The following L3MBTL4 variants were observed in gnomAD, a reference collection of about 807,000 sequenced individuals.
L3MBTL4 encodes the protein lethal(3)malignant brain tumor-like protein 4.
Under a neutral mutation model 84.5 loss-of-function variants are expected in L3MBTL4, and 70 were observed. The ratio of observed to expected loss-of-function variants is 0.83; its 90% CI spans 0.68 to 1.01. L3MBTL4 has a LOEUF of 1.01. L3MBTL4 is among the 50% of genes least tolerant of loss of function. The pLI is 0.00. For missense variants in L3MBTL4, 715 were observed against 754.8 expected, an observed-to-expected ratio of 0.95 and a Z score of 0.62; for synonymous variants, 274 against 259.8, an observed-to-expected ratio of 1.05 and a Z score of -0.52.
intron 4 of L3MBTL4, among the ~76,000 whole-genome samples, chr18:6,300,002 T>TAA (rs559658418): frequency 1.5e-3 from 221 of 152,298 alleles, no homozygotes; most frequent in Non-Finnish European, 2.4e-3. Flanking sequence ...TGTTCACATA[T>TAA]AAATATACTA....
At chr18:6,265,701 G>A (rs907688896) in intron 4 of L3MBTL4, among the ~76,000 whole-genome samples, 1 of 149,968 alleles carries the variant, frequency 6.7e-6, no homozygotes, top group African/African-American at 2.5e-5. Flanking sequence ...TAGGCACAGT[G>A]AAATAAGTTA....
chr18:6,132,126 C>T (rs560375956), intron 14 of L3MBTL4, among the ~76,000 whole-genome samples: 2 of 152,140 alleles, frequency 1.3e-5, no homozygotes, highest in African/African-American at 4.8e-5. Flanking sequence ...TCCTTGAATA[C>T]AAGGAATTTT....
At chr18:6,101,658 T>G (rs1431396677) in intron 14 of L3MBTL4, among the ~76,000 whole-genome samples, 1 of 152,218 alleles carries the variant, frequency 6.6e-6, no homozygotes, top group Non-Finnish European at 1.5e-5. Context: ...CAGACTCGAA[T>G]CCACTCATGT....
intron 16 of L3MBTL4, among the ~76,000 whole-genome samples, chr18:6,015,017 A>G (rs1439907047): frequency 2.0e-5 from 3 of 151,992 alleles, no homozygotes; most frequent in African/African-American, 7.2e-5. Context: ...CCCAGAGATC[A>G]GGGAGGAAGG....
chr18:6,274,161 T>A (rs1474026378), intron 4 of L3MBTL4, among the ~76,000 whole-genome samples: 1 of 152,214 alleles, frequency 6.6e-6, no homozygotes, highest in Non-Finnish European at 1.5e-5. Context: ...AGATTAAGGT[T>A]CTCAAAGTGT....
At chr18:6,029,691 G>T in intron 16 of L3MBTL4, 2 of 985,220 alleles carry the variant, frequency 2.0e-6, no homozygotes, top group Non-Finnish European at 2.4e-6. Context: ...CTATGGTCAA[G>T]TTCACAAAGG....
intron 1 of L3MBTL4, among the ~76,000 whole-genome samples, chr18:6,362,491 G>C (rs2144039322): frequency 6.6e-6 from 1 of 152,260 alleles, no homozygotes; most frequent in South Asian, 2.1e-4. Flanking sequence ...CCAGCCACCT[G>C]GGTCTAGTGG....
chr18:6,090,383 A>G (rs1291908149), intron 15 of L3MBTL4, among the ~76,000 whole-genome samples: 1 of 152,126 alleles, frequency 6.6e-6, no homozygotes, highest in Non-Finnish European at 1.5e-5. Context: ...ACTAATTATA[A>G]CCCTGATACA....
At chr18:6,300,512 T>C (rs1445961051) in intron 4 of L3MBTL4, among the ~76,000 whole-genome samples, 1 of 152,214 alleles carries the variant, frequency 6.6e-6, no homozygotes, top group African/African-American at 2.4e-5. Flanking sequence ...CTCCCAGACT[T>C]GTTAAAAACA....
intron 1 of L3MBTL4, chr18:6,395,568 T>TA (rs1189670429): frequency 2.6e-5 from 4 of 152,166 alleles, no homozygotes; most frequent in Non-Finnish European, 5.9e-5. Flanking sequence ...TTCTCGGTCC[T>TA]AAAAAATAGG....
chr18:6,081,742 AC>A (rs753851534), intron 15 of L3MBTL4, among the ~76,000 whole-genome samples: 9 of 152,334 alleles, frequency 5.9e-5, no homozygotes, highest in East Asian at 3.9e-4. Flanking sequence ...AGATGAGGAA[AC>A]CGATTCAGTT....
chr18:6,067,706 A>T (rs928119821), intron 16 of L3MBTL4, among the ~76,000 whole-genome samples: 2 of 152,090 alleles, frequency 1.3e-5, no homozygotes, highest in East Asian at 3.8e-4. Flanking sequence ...TAAAAAAAAA[A>T]TTTCTTTATG....
intron 14 of L3MBTL4, among the ~76,000 whole-genome samples, chr18:6,117,017 TG>T (rs1200641162): frequency 6.6e-6 from 1 of 152,230 alleles, no homozygotes; most frequent in East Asian, 1.9e-4. Context: ...TGCATTGCTT[TG>T]GTGTTGCAGT....
chr18:5,966,767 C>T (rs2052372602), intron 17 of L3MBTL4, among the ~76,000 whole-genome samples: 1 of 152,182 alleles, frequency 6.6e-6, no homozygotes, highest in Admixed American at 6.5e-5. Flanking sequence ...CCACTCTTTC[C>T]CCATTCCTTC....
At chr18:6,105,778 C>T (rs1598762757) in intron 14 of L3MBTL4, among the ~76,000 whole-genome samples, 1 of 121,644 alleles carries the variant, frequency 8.2e-6, no homozygotes, top group African/African-American at 3.1e-5. Flanking sequence ...CCAGCATGGG[C>T]AACAAGAGTG....
rs564257049 is a variant in L3MBTL4 at position 6,371,512 on chromosome 18, C to T, written c.-91+43289G>A. The stretch of plus-strand genomic sequence containing the variant: ...GGAAATTCAAGCATAAAGCACTGCA[C>T]GATCCTGAGGAAAGCCAACTCTGCC... On this transcript the variant is annotated intron_variant, in intron 1 of 18. Coordinates refer to ENST00000317931, the MANE Select transcript of L3MBTL4 (RefSeq NM_001330559.2). Among the ~76,000 whole-genome samples the T allele has an allele frequency of 6.6e-5, 10 of 152,212 alleles. No homozygotes were observed. The East Asian group carries it at 1.5e-3, about 24-fold the overall frequency.
intron 1 of L3MBTL4, among the ~76,000 whole-genome samples, chr18:6,373,561 T>G (rs2054246920): frequency 6.6e-6 from 1 of 152,080 alleles, no homozygotes; most frequent in Non-Finnish European, 1.5e-5. Context: ...TTTGACAAAG[T>G]GCAAAGAGAA....
intron 10 of L3MBTL4, among the ~76,000 whole-genome samples, chr18:6,230,663 C>T (rs1406920123): frequency 6.6e-6 from 1 of 152,164 alleles, no homozygotes; most frequent in Non-Finnish European, 1.5e-5. Context: ...TGAGAAATCA[C>T]TACACTGCTT....
Position 6,244,500 on chromosome 18 carries a change from A to T in L3MBTL4, c.308T>A (p.Val103Glu). The change falls in exon 6 of 19, where the codon GTG (valine) becomes GAG (glutamate). Residue 103 changes from valine to glutamate, a missense_variant. Val to Glu is a moderately radical substitution (Grantham distance 121). Coordinates refer to ENST00000317931, the MANE Select transcript of L3MBTL4 (RefSeq NM_001330559.2). Reference protein sequence around the residue: ...IDPRHPSVFCVLSVAEVCGYR... With the variant: ...IDPRHPSVFCELSVAEVCGYR... ...ACCTCTTACCTCCGCTACAGAAAGCACACAGAATACCGATGGATGTCGGGG... is the reference window on the plus strand; with the variant it reads ...ACCTCTTACCTCCGCTACAGAAAGCTCACAGAATACCGATGGATGTCGGGG... 1 of 1,612,174 alleles carries T rather than the reference A, an allele frequency of 6.2e-7. No homozygotes were observed. The highest frequency in any genetic ancestry group is 8.5e-7 in the Non-Finnish European group (1 of 1,178,240).
Sources: gnomAD v4.1 joint callset for allele counts (sites outside exome capture counted in the v4.1 genomes callset) on GRCh38, gnomAD v4.1.1 for gene constraint, MANE v1.5 for transcripts, NCBI Gene and HGNC (gene_info 2026-07-23, HGNC 2026-07-21) for gene names.